SGTB: variants seen among roughly 807,000 people sequenced by gnomAD.
The protein encoded by SGTB is small glutamine-rich tetratricopeptide repeat-containing protein beta.
A neutral mutation model predicts 43.9 loss-of-function variants in SGTB; 19 were observed. The observed-to-expected ratio is 0.43, with a 90% confidence interval of 0.30 to 0.63. The LOEUF (loss-of-function observed/expected upper bound fraction) is 0.63. Ranked by LOEUF, SGTB falls within the 30% of genes least tolerant of loss-of-function variation. The pLI is 0.12. For missense variants in SGTB, 304 were observed against 358.9 expected, an observed-to-expected ratio of 0.85 and a Z score of 1.24; for synonymous variants, 116 against 117.3, an observed-to-expected ratio of 0.99 and a Z score of 0.07.
chr5:65,691,804 GCCTGTAGT>G (rs1285548578), intron 5 of SGTB, among the ~76,000 whole-genome samples: 1 of 151,360 alleles, frequency 6.6e-6, no homozygotes, highest in Non-Finnish European at 1.5e-5. Flanking sequence ...GGTGGCGGGC[GCCTGTAGT>G]CCCAGCTACT....
At position 65,720,730 on chromosome 5, in the gene SGTB, C is replaced by T. The variant is rs149904456; in HGVS notation, c.78G>A (p.Ser26=). 1.5e-5 allele frequency: 25 copies of T among 1,613,690 alleles called. No individual in the cohort carries two copies. Among genetic ancestry groups the T allele is most frequent in the African/African-American group, 5.3e-5 (4 of 75,022 alleles). The change falls in exon 2 of 11, where the codon TCG becomes TCA. Residue 26 remains serine, a synonymous_variant. Coordinates refer to ENST00000381007, the MANE Select transcript of SGTB (RefSeq NM_019072.3). ...REQSQMDTYT[S]DEQESLEVAI... ...TACCTTCCAAACTTTCTTGTTCATCCGAGGTGTAAGTGTCCATCTGACTTT... is the reference window on the plus strand; with the variant it reads ...TACCTTCCAAACTTTCTTGTTCATCTGAGGTGTAAGTGTCCATCTGACTTT...
intron 5 of SGTB, among the ~76,000 whole-genome samples, chr5:65,703,776 G>A (rs938458078): frequency 1.3e-5 from 2 of 151,404 alleles, no homozygotes; most frequent in Non-Finnish European, 2.9e-5. Context: ...GGTGGCTCAC[G>A]CCTGTAATCC....
At chr5:65,691,684 T>C (rs1022149809) in intron 5 of SGTB, among the ~76,000 whole-genome samples, 12 of 145,730 alleles carry the variant, frequency 8.2e-5, no homozygotes, top group African/African-American at 3.0e-4. Context: ...CTCACGCCTG[T>C]AATCCCAGCA....
At chr5:65,722,383 C>T (rs754392364), upstream of SGTB, 3 of 1,588,006 alleles carry the variant, frequency 1.9e-6, no homozygotes, top group South Asian at 2.3e-5. Context: ...CATGATCGCC[C>T]GGTGCCTTTT....
chr5:65,703,427 C>T (rs751029933), intron 5 of SGTB, among the ~76,000 whole-genome samples: 2 of 152,164 alleles, frequency 1.3e-5, no homozygotes, highest in East Asian at 1.9e-4. Context: ...ATAAACTGGA[C>T]GAGTGTGGTG....
At chr5:65,715,768 T>C (rs1758134449) in intron 2 of SGTB, among the ~76,000 whole-genome samples, 1 of 151,528 alleles carries the variant, frequency 6.6e-6, no homozygotes, top group Admixed American at 6.6e-5. Flanking sequence ...AGGGTTTTTG[T>C]TGTTGTTGTT....
chr5:65,684,143 G>A (rs1757452854), intron 6 of SGTB, among the ~76,000 whole-genome samples: 2 of 151,888 alleles, frequency 1.3e-5, no homozygotes, highest in Non-Finnish European at 2.9e-5. Context: ...GGAGTGCAGT[G>A]ACACGATCAC....
At chr5:65,698,815 T>C (rs1256101579) in intron 5 of SGTB, among the ~76,000 whole-genome samples, 6 of 152,060 alleles carry the variant, frequency 3.9e-5, no homozygotes, top group Admixed American at 3.9e-4. Context: ...GAAATGCAAA[T>C]TGAAACCACA....
intron 5 of SGTB, among the ~76,000 whole-genome samples, chr5:65,699,396 G>A (rs1757770691): frequency 6.6e-6 from 1 of 152,156 alleles, no homozygotes; most frequent in Non-Finnish European, 1.5e-5. Flanking sequence ...TGGGAGGATG[G>A]GAGGGAGATG....
At chr5:65,688,126 A>G (rs1467174437) in intron 5 of SGTB, among the ~76,000 whole-genome samples, 1 of 152,202 alleles carries the variant, frequency 6.6e-6, no homozygotes, top group Non-Finnish European at 1.5e-5. Context: ...AAGAATTCAC[A>G]ACATTTATTG....
upstream of SGTB, chr5:65,722,269 G>C (rs553942617): frequency 8.2e-5 from 70 of 851,352 alleles, 1 homozygote; most frequent in African/African-American, 1.1e-3. Flanking sequence ...TGGCCTCTGC[G>C]GCTAGGCCGG....
intron 8 of SGTB, among the ~76,000 whole-genome samples, chr5:65,675,683 G>T (rs1172454186): frequency 6.6e-6 from 1 of 152,120 alleles, no homozygotes; most frequent in African/African-American, 2.4e-5. Flanking sequence ...GAGATTGGGG[G>T]CCCATATTCA....
At chr5:65,697,491 T>A (rs1230805069) in intron 5 of SGTB, among the ~76,000 whole-genome samples, 1 of 152,242 alleles carries the variant, frequency 6.6e-6, no homozygotes, top group African/African-American at 2.4e-5. Context: ...TGTATCTGGT[T>A]ACAACATTTC....
chr5:65,669,130 G>A lies in SGTB; in HGVS notation c.*1116C>T, dbSNP rs1757103114. 1 of 152,002 alleles carries A rather than the reference G, an allele frequency of 6.6e-6. No individual in the cohort carries two copies. Among genetic ancestry groups the A allele is most frequent in the Non-Finnish European group, 1.5e-5 (1 of 68,020 alleles). The allele number at this position is 152,002 out of a possible 1,614,324, so 9.4% of individuals were successfully genotyped here. On this transcript the variant is annotated 3_prime_UTR_variant, in exon 11 of 11. Transcript: ENST00000381007. ...TCTAATTTATAATAAAATATTTTAA[G>A]TCTCCTGTTATATTTAAATTGCATC... is the stretch of plus-strand genomic sequence containing the variant.
chr5:65,715,578 C>G (rs1407913092), intron 2 of SGTB, among the ~76,000 whole-genome samples: 1 of 152,228 alleles, frequency 6.6e-6, no homozygotes, highest in African/African-American at 2.4e-5. Context: ...TAAGCACCTA[C>G]TATGTGTCAA....
At position 65,710,652 on chromosome 5, in the gene SGTB, T is replaced by C. The variant is rs561255107; in HGVS notation, c.205-2094A>G. 2.0e-5 allele frequency among the ~76,000 whole-genome samples: 3 copies of C among 152,308 alleles called. No individual in the cohort carries two copies. The South Asian group carries it at 6.2e-4, about 32-fold the overall frequency. ...TTACACTTTCTCTGCCATATTCTGTTAATAAACATATATGGAATGAAGCCA... is the reference window on the plus strand; with the variant it reads ...TTACACTTTCTCTGCCATATTCTGTCAATAAACATATATGGAATGAAGCCA... On this transcript the variant is annotated intron_variant, in intron 3 of 10. Coordinates refer to ENST00000381007, the MANE Select transcript of SGTB (RefSeq NM_019072.3).
At chr5:65,687,147 G>A (rs1757514332) in intron 5 of SGTB, among the ~76,000 whole-genome samples, 1 of 152,162 alleles carries the variant, frequency 6.6e-6, no homozygotes. Context: ...GGAAGAAAAG[G>A]AGAAGAAATA....
chr5:65,716,077 G>A (rs1275648819), intron 2 of SGTB, among the ~76,000 whole-genome samples: 2 of 152,154 alleles, frequency 1.3e-5, no homozygotes, highest in Non-Finnish European at 1.5e-5. Context: ...GCCCACAGCT[G>A]CAGGTTTAAC....
At chr5:65,710,370 G>A (rs762599297) in intron 3 of SGTB, among the ~76,000 whole-genome samples, 4 of 152,022 alleles carry the variant, frequency 2.6e-5, no homozygotes, top group South Asian at 2.1e-4. Flanking sequence ...AATTATTTGC[G>A]AAAATTGCCA....
Sources: gnomAD v4.1 joint callset for allele counts (sites outside exome capture counted in the v4.1 genomes callset) on GRCh38, gnomAD v4.1.1 for gene constraint, MANE v1.5 for transcripts, NCBI Gene and HGNC (gene_info 2026-07-23, HGNC 2026-07-21) for gene names.